Variants in CCDC141 observed in about 807,000 individuals in gnomAD.
The protein encoded by CCDC141 is coiled-coil domain-containing protein 141.
In CCDC141, 168 loss-of-function variants were observed where a neutral mutation model predicts 181.0. The ratio of observed to expected loss-of-function variants is 0.93; its 90% CI spans 0.82 to 1.05. The LOEUF (loss-of-function observed/expected upper bound fraction) is 1.05. Ranked by LOEUF, CCDC141 falls within the 50% of genes least tolerant of loss-of-function variation. The pLI, the probability that CCDC141 is intolerant of heterozygous loss-of-function variation, is 0.00. For synonymous variants in CCDC141, 666 were observed against 642.3 expected (o/e 1.04, Z -0.56); for missense variants, 1,902 against 1,788.5 (o/e 1.06, Z -1.14).
chr2:179,000,723 T>C (rs778567486), intron 2 of CCDC141, among the ~76,000 whole-genome samples: 1 of 152,218 alleles, frequency 6.6e-6, no homozygotes, highest in Non-Finnish European at 1.5e-5. Context: ...ATTTGACTTC[T>C]GGGTCCTTTC....
chr2:179,039,994 T>TA (rs1311198279), intron 2 of CCDC141, among the ~76,000 whole-genome samples: 1 of 152,102 alleles, frequency 6.6e-6, no homozygotes, highest in Non-Finnish European at 1.5e-5. Context: ...ATCTAGATGA[T>TA]AAAACTACTA....
At chr2:179,049,400 C>T (rs1281204436) in intron 1 of CCDC141, among the ~76,000 whole-genome samples, 10 of 151,996 alleles carry the variant, frequency 6.6e-5, no homozygotes, top group African/African-American at 4.8e-5. Context: ...CAGTGCCCTC[C>T]CCCTGTCTGT....
At chr2:178,835,254 T>A (rs1246525156) in intron 23 of CCDC141, among the ~76,000 whole-genome samples, 2 of 152,178 alleles carry the variant, frequency 1.3e-5, no homozygotes, top group Admixed American at 6.5e-5. Context: ...GTACTTAATA[T>A]CACCTCCTGA....
chr2:178,826,362 T>C (rs1286761816), downstream of CCDC141, among the ~76,000 whole-genome samples: 1 of 152,172 alleles, frequency 6.6e-6, no homozygotes, highest in African/African-American at 2.4e-5. Flanking sequence ...ATTATATTCA[T>C]GAGAGATATT....
chr2:178,846,917 T>C (rs1057051907), intron 21 of CCDC141, among the ~76,000 whole-genome samples: 3 of 152,182 alleles, frequency 2.0e-5, no homozygotes, highest in Non-Finnish European at 4.4e-5. Context: ...CTGACAGGAA[T>C]TGCTGAGCCC....
chr2:179,011,141 G>A (rs1425146246), intron 2 of CCDC141, among the ~76,000 whole-genome samples: 2 of 152,004 alleles, frequency 1.3e-5, no homozygotes, highest in African/African-American at 2.4e-5. Context: ...CTGGGCAATA[G>A]GGTGAGACTC....
At chr2:179,044,444 G>A (rs1232164112) in intron 2 of CCDC141, among the ~76,000 whole-genome samples, 2 of 152,172 alleles carry the variant, frequency 1.3e-5, no homozygotes, top group East Asian at 3.9e-4. Context: ...GCTACTGGAT[G>A]GATTTAGGTA....
intron 6 of CCDC141, among the ~76,000 whole-genome samples, chr2:178,938,285 T>C (rs915517502): frequency 3.3e-5 from 5 of 152,144 alleles, no homozygotes; most frequent in African/African-American, 1.2e-4. Flanking sequence ...GAGATTCTAG[T>C]ATGTTGTATC....
intron 23 of CCDC141, among the ~76,000 whole-genome samples, chr2:178,835,405 G>T (rs1326706123): frequency 6.6e-6 from 1 of 152,132 alleles, no homozygotes; most frequent in Non-Finnish European, 1.5e-5. Flanking sequence ...GTGCTTAACT[G>T]CATGGTTTTA....
At chr2:178,903,725 G>T (rs1227606349) in intron 8 of CCDC141, among the ~76,000 whole-genome samples, 2 of 150,458 alleles carry the variant, frequency 1.3e-5, no homozygotes, top group Non-Finnish European at 2.9e-5. Context: ...CCTGCACATT[G>T]TGCACATGTA....
At chr2:178,997,087 G>A (rs139810275) in intron 2 of CCDC141, among the ~76,000 whole-genome samples, 97 of 152,270 alleles carry the variant, frequency 6.4e-4, no homozygotes, top group African/African-American at 2.2e-3. Flanking sequence ...TGCCTCCTAT[G>A]AGATTCTTGA....
At chr2:178,884,032 C>T (rs1228517253) in intron 11 of CCDC141, among the ~76,000 whole-genome samples, 1 of 151,992 alleles carries the variant, frequency 6.6e-6, no homozygotes, top group Non-Finnish European at 1.5e-5. Context: ...CAAAAAGATC[C>T]ATGGTTTAGA....
At chr2:178,820,593 CA>C in the CCDC141 span, among the ~76,000 whole-genome samples, 1 of 152,210 alleles carries the variant, frequency 6.6e-6, no homozygotes, top group South Asian at 2.1e-4. Context: ...AATTACTTTA[CA>C]TGCAATAAAG....
intron 16 of CCDC141, among the ~76,000 whole-genome samples, chr2:178,866,218 T>C (rs1005795424): frequency 1.3e-5 from 2 of 152,176 alleles, no homozygotes; most frequent in Non-Finnish European, 2.9e-5. Flanking sequence ...AGGCATAAAA[T>C]ATGCATTAGA....
At chr2:179,026,070 C>T (rs187073571) in intron 2 of CCDC141, among the ~76,000 whole-genome samples, 5 of 152,104 alleles carry the variant, frequency 3.3e-5, no homozygotes, top group African/African-American at 1.2e-4. Flanking sequence ...AAATTTGCAG[C>T]CAGACAATGT....
intron 17 of CCDC141, among the ~76,000 whole-genome samples, chr2:178,863,006 G>T (rs1266261389): frequency 6.6e-6 from 1 of 152,134 alleles, no homozygotes; most frequent in Non-Finnish European, 1.5e-5. Flanking sequence ...AATAGGGATA[G>T]AAGAGGAAAG....
chr2:178,972,038 C>T (rs1282445084), intron 4 of CCDC141, among the ~76,000 whole-genome samples: 2 of 151,504 alleles, frequency 1.3e-5, no homozygotes, highest in East Asian at 1.9e-4. Context: ...CAAAACTGCA[C>T]GTTCTGAACA....
intron 4 of CCDC141, 49 bp from the exon 5 acceptor site, chr2:178,961,532 T>C: frequency 7.4e-7 from 1 of 1,346,042 alleles, no homozygotes. Context: ...AGCAAGCTTT[T>C]ATACAGCAAT....
intron 8 of CCDC141, among the ~76,000 whole-genome samples, chr2:178,903,200 G>A (rs959202261): frequency 3.2e-4 from 48 of 148,044 alleles, no homozygotes; most frequent in African/African-American, 1.2e-3. Context: ...TCAGTGTGGC[G>A]ATTCCTCAGG....
Sources: gnomAD v4.1 joint callset for allele counts (sites outside exome capture counted in the v4.1 genomes callset) on GRCh38, gnomAD v4.1.1 for gene constraint, MANE v1.5 for transcripts, NCBI Gene and HGNC (gene_info 2026-07-23, HGNC 2026-07-21) for gene names.